MEIS1: variants seen among roughly 807,000 people sequenced by gnomAD.
MEIS1 encodes Meis homeobox 1.
Under a neutral mutation model 50.8 loss-of-function variants are expected in MEIS1, and 5 were observed. The observed-to-expected ratio is 0.10, with a 90% CI of 0.05 to 0.21. MEIS1 has a LOEUF of 0.21. Among genes scored for constraint, MEIS1 ranks in the 10% least tolerant of loss-of-function variants. MEIS1 has a pLI of 1.00. For synonymous variants in MEIS1, 176 were observed against 179.3 expected (o/e 0.98, Z 0.15); for missense variants, 318 against 517.3 (o/e 0.61, Z 3.74).
intron 7 of MEIS1, among the ~76,000 whole-genome samples, chr2:66,502,214 G>T (rs1673574617): frequency 6.6e-6 from 1 of 152,066 alleles, no homozygotes; most frequent in African/African-American, 2.4e-5. Flanking sequence ...AAAACTTGAC[G>T]TGTTCAGAAA....
intron 7 of MEIS1, chr2:66,508,833 T>A: frequency 3.0e-6 from 1 of 337,594 alleles, no homozygotes; most frequent in South Asian, 2.4e-5. Context: ...CACTGGAGCC[T>A]ACTGCTATCC....
At chr2:66,508,548 C>T (rs1323150957) in intron 7 of MEIS1, among the ~76,000 whole-genome samples, 1 of 152,226 alleles carries the variant, frequency 6.6e-6, no homozygotes, top group African/African-American at 2.4e-5. Context: ...TGCATATGTG[C>T]GGCCTGTGTG....
intron 9 of MEIS1, 62 bp downstream of exon 9, chr2:66,548,081 A>G (rs1674833451): frequency 2.0e-6 from 3 of 1,519,464 alleles, no homozygotes; most frequent in Non-Finnish European, 2.7e-6. Context: ...CCTGCAGCTC[A>G]TGTTTTGCAT....
chr2:66,531,072 G>A (rs558352895), intron 8 of MEIS1, among the ~76,000 whole-genome samples: 2 of 152,262 alleles, frequency 1.3e-5, no homozygotes, highest in Admixed American at 6.5e-5. Flanking sequence ...AACTGTACAC[G>A]TTAACAGGTG....
chr2:66,460,228 T>C (rs73937916), intron 6 of MEIS1, among the ~76,000 whole-genome samples: 2,215 of 152,248 alleles, frequency 0.015, 64 homozygotes, highest in African/African-American at 0.051. Context: ...ACATGAGCCA[T>C]GCATTGTGCT....
chr2:66,452,530 T>C (rs541679396), intron 6 of MEIS1, among the ~76,000 whole-genome samples: 22 of 152,032 alleles, frequency 1.4e-4, no homozygotes, highest in African/African-American at 5.1e-4. Flanking sequence ...CAGATGCAAA[T>C]GTAGTTTGCC....
chr2:66,443,067 C>T lies in MEIS1; in HGVS notation c.630+19C>T, dbSNP rs539953965. The T allele has an allele frequency of 4.5e-6, 7 of 1,558,842 alleles. No individual in the cohort carries two copies. The highest frequency in any genetic ancestry group is 6.0e-6 in the Non-Finnish European group (7 of 1,161,980). On this transcript the variant is annotated intron_variant, in intron 6 of 12. Transcript: ENST00000272369. Reference sequence around the variant, plus strand: ...TGACCAGGTATGCGCTTTTCAATTTCAACATCCCTGGGAAAAAAAAAAATC... The same window carrying T: ...TGACCAGGTATGCGCTTTTCAATTTTAACATCCCTGGGAAAAAAAAAAATC...
chr2:66,465,533 C>T (rs1260109356), intron 7 of MEIS1, among the ~76,000 whole-genome samples: 1 of 152,068 alleles, frequency 6.6e-6, no homozygotes, highest in East Asian at 1.9e-4. Flanking sequence ...AATATAAAGC[C>T]CTACTTTCAT....
At chr2:66,557,725 C>A (rs1052325955) in intron 9 of MEIS1, among the ~76,000 whole-genome samples, 1 of 152,046 alleles carries the variant, frequency 6.6e-6, no homozygotes, top group East Asian at 1.9e-4. Flanking sequence ...CCATTATAAG[C>A]GTTCATATAC....
At chr2:66,543,915 G>A (rs997153) in intron 8 of MEIS1, among the ~76,000 whole-genome samples, 55,144 of 152,064 alleles carry the variant, frequency 0.36, 10,374 homozygotes, top group Non-Finnish European at 0.4. Context: ...TTGATATCCC[G>A]AAGTGATTAG....
chr2:66,567,381 A>G, intron 9 of MEIS1, 72 bp from the exon 10 acceptor site: 3 of 1,503,204 alleles, frequency 2.0e-6, no homozygotes, highest in Non-Finnish European at 2.7e-6. Flanking sequence ...ACTGCGATTC[A>G]TCTTTTCCTC....
In MEIS1 at chr2:66,472,772, C is replaced by CG. The variant is rs1178079970; in HGVS notation, c.742+8552_742+8553insG. On this transcript the variant is annotated intron_variant, in intron 7 of 12. Coordinates refer to ENST00000272369, the MANE Select transcript of MEIS1 (RefSeq NM_002398.3). The stretch of plus-strand genomic sequence containing the variant: ...TGTTAGGTGGACTTGGCTCCAGAGC[C>CG]CACTCTTGGAAACTTGGTCCAGTCC... 2.7e-4 allele frequency among the ~76,000 whole-genome samples: 41 copies of CG among 152,218 alleles called. No individual in the cohort carries two copies. The Middle Eastern group carries it at 0.01, about 38-fold the overall frequency.
chr2:66,484,194 A>C (rs1159579793), intron 7 of MEIS1, among the ~76,000 whole-genome samples: 2 of 152,174 alleles, frequency 1.3e-5, no homozygotes, highest in Admixed American at 6.5e-5. Flanking sequence ...CTAGATTTAT[A>C]GGGAGGGTTT....
At chr2:66,452,561 A>C (rs1672299502) in intron 6 of MEIS1, among the ~76,000 whole-genome samples, 1 of 151,944 alleles carries the variant, frequency 6.6e-6, no homozygotes, top group Non-Finnish European at 1.5e-5. Context: ...TAATTGTCAT[A>C]GTTTTCTTGG....
At chr2:66,461,876 T>A (rs939377973) in intron 6 of MEIS1, 1 of 470,558 alleles carries the variant, frequency 2.1e-6, no homozygotes, top group Non-Finnish European at 4.4e-6. Context: ...AGAAAAATGG[T>A]GATGAAAAAA....
At chr2:66,457,157 A>G (rs974804798) in intron 6 of MEIS1, among the ~76,000 whole-genome samples, 2 of 121,964 alleles carry the variant, frequency 1.6e-5, no homozygotes, top group African/African-American at 7.8e-5. Flanking sequence ...AGTGATTTCT[A>G]GGGATTTTTT....
At chr2:66,499,754 CA>C (rs1336986672) in intron 7 of MEIS1, among the ~76,000 whole-genome samples, 1 of 149,676 alleles carries the variant, frequency 6.7e-6, no homozygotes, top group Non-Finnish European at 1.5e-5. Flanking sequence ...GTGTGTCAAT[CA>C]GGAAAGATGT....
intron 9 of MEIS1, among the ~76,000 whole-genome samples, chr2:66,552,721 A>G (rs1476516701): frequency 6.6e-6 from 1 of 152,234 alleles, no homozygotes; most frequent in Non-Finnish European, 1.5e-5. Flanking sequence ...CTTTATTATA[A>G]TAAACAGATT....
intron 8 of MEIS1, among the ~76,000 whole-genome samples, chr2:66,536,731 G>A (rs576947204): frequency 3.2e-4 from 49 of 152,186 alleles, no homozygotes; most frequent in Non-Finnish European, 6.6e-4. Flanking sequence ...GCAGCTAAGT[G>A]GGTGGAAAAT....
Sources: gnomAD v4.1 joint callset for allele counts (sites outside exome capture counted in the v4.1 genomes callset) on GRCh38, gnomAD v4.1.1 for gene constraint, MANE v1.5 for transcripts, NCBI Gene and HGNC (gene_info 2026-07-23, HGNC 2026-07-21) for gene names.